The following DIAPH3 variants were observed in gnomAD, a reference collection of about 807,000 sequenced individuals.
DIAPH3 encodes the protein protein diaphanous homolog 3.
A neutral mutation model predicts 144.3 loss-of-function variants in DIAPH3; 117 were observed. That is an observed-to-expected ratio of 0.81 (90% CI 0.70 to 0.95). The LOEUF (loss-of-function observed/expected upper bound fraction) is 0.95, where lower values mean the gene tolerates loss of function less well. DIAPH3 is among the 40% of genes least tolerant of loss of function. The pLI, the probability that DIAPH3 is intolerant of heterozygous loss-of-function variation, is 0.00. For missense variants in DIAPH3, 1,421 were observed against 1,412.7 expected, an observed-to-expected ratio of 1.01 and a Z score of -0.09; for synonymous variants, 519 against 488.9, an observed-to-expected ratio of 1.06 and a Z score of -0.81.
At chr13:59,698,455 C>T (rs532393835) in intron 27 of DIAPH3, among the ~76,000 whole-genome samples, 14 of 152,270 alleles carry the variant, frequency 9.2e-5, no homozygotes, top group African/African-American at 3.4e-4. Context: ...ACAGACCTTC[C>T]ATGACAACCT....
chr13:59,704,879 T>C (rs1395024312), intron 27 of DIAPH3, among the ~76,000 whole-genome samples: 2 of 152,210 alleles, frequency 1.3e-5, no homozygotes, highest in Non-Finnish European at 2.9e-5. Flanking sequence ...ATTTAGTTTA[T>C]CATCATCTTC....
intron 4 of DIAPH3, among the ~76,000 whole-genome samples, chr13:60,065,658 C>T (rs996554392): frequency 1.3e-5 from 2 of 152,170 alleles, no homozygotes; most frequent in East Asian, 3.8e-4. Context: ...GTCAACTCAT[C>T]AACAAATTTC....
Position 59,970,038 on chromosome 13 carries a change from A to C in DIAPH3, c.1980T>G (p.Thr660=). ...NWLKIRPHEM[T]ENCFWIKVNE... ...TTACTTTTATCCAGAAACAGTTTTC[A>C]GTCATTTCATGAGGTCTGATCTACA... The change falls in exon 17 of 28, where the codon ACT becomes ACG. Residue 660 remains threonine, a synonymous_variant. Coordinates refer to ENST00000400324, the MANE Select transcript of DIAPH3 (RefSeq NM_001042517.2). 6.2e-7 allele frequency: 1 copy of C among 1,602,200 alleles called. No homozygotes were observed. Among genetic ancestry groups the C allele is most frequent in the East Asian group, 2.3e-5 (1 of 44,400 alleles).
intron 27 of DIAPH3, among the ~76,000 whole-genome samples, chr13:59,714,281 A>AC (rs1281428120): frequency 1.4e-5 from 2 of 145,438 alleles, no homozygotes; most frequent in Non-Finnish European, 3.0e-5. Context: ...AATGGCGTGA[A>AC]CCCGGGAGGC....
intron 25 of DIAPH3, among the ~76,000 whole-genome samples, chr13:59,807,451 G>A (rs341526): frequency 0.61 from 92,891 of 151,838 alleles, 28,891 homozygotes; most frequent in East Asian, 0.7. Flanking sequence ...AAATGAGTTC[G>A]ATTACATCTA....
intron 9 of DIAPH3, among the ~76,000 whole-genome samples, chr13:60,005,935 C>G (rs959948136): frequency 6.6e-6 from 1 of 151,974 alleles, no homozygotes; most frequent in Non-Finnish European, 1.5e-5. Context: ...GAATAGTAAC[C>G]TATAAAATCC....
intron 1 of DIAPH3, among the ~76,000 whole-genome samples, chr13:60,138,783 A>AGGG (rs1566815387): frequency 2.4e-5 from 3 of 127,134 alleles, no homozygotes; most frequent in Non-Finnish European, 4.9e-5. Context: ...GAAGGAGAAG[A>AGGG]AGGGGAAGAG....
At chr13:60,137,889 A>T (rs1235919508) in intron 1 of DIAPH3, among the ~76,000 whole-genome samples, 1 of 151,752 alleles carries the variant, frequency 6.6e-6, no homozygotes, top group East Asian at 1.9e-4. Flanking sequence ...ATGCCCGGCT[A>T]ATTTTTGTAT....
At chr13:59,984,709 C>T (rs1284631843) in intron 12 of DIAPH3, among the ~76,000 whole-genome samples, 1 of 140,922 alleles carries the variant, frequency 7.1e-6, no homozygotes, top group Non-Finnish European at 1.5e-5. Flanking sequence ...CGCAAATAAA[C>T]TAGAAAATCT....
chr13:59,730,080 C>T (rs964430304), intron 27 of DIAPH3, among the ~76,000 whole-genome samples: 3 of 151,932 alleles, frequency 2.0e-5, no homozygotes, highest in African/African-American at 7.3e-5. Context: ...ATCTGGTCAG[C>T]ATACTTAAAA....
intron 27 of DIAPH3, among the ~76,000 whole-genome samples, chr13:59,685,881 G>A (rs559715366): frequency 1.6e-4 from 25 of 152,106 alleles, no homozygotes; most frequent in Non-Finnish European, 3.4e-4. Flanking sequence ...TGGAAGATAT[G>A]TGAGGACTGC....
chr13:60,055,198 A>C (rs1370849672), intron 4 of DIAPH3, among the ~76,000 whole-genome samples: 1 of 151,944 alleles, frequency 6.6e-6, no homozygotes, highest in African/African-American at 2.4e-5. Context: ...TCACTTCTAA[A>C]ATATCTCTAT....
chr13:59,995,354 T>A (rs2052126816), intron 9 of DIAPH3, among the ~76,000 whole-genome samples: 1 of 151,878 alleles, frequency 6.6e-6, no homozygotes, highest in Non-Finnish European at 1.5e-5. Flanking sequence ...ATTTGCATGT[T>A]ACAGAAATCG....
At chr13:59,793,098 T>C (rs1659508678) in intron 25 of DIAPH3, among the ~76,000 whole-genome samples, 2 of 152,178 alleles carry the variant, frequency 1.3e-5, no homozygotes, top group African/African-American at 4.8e-5. Flanking sequence ...AACCACTTGA[T>C]GAAAGCTTCC....
intron 1 of DIAPH3, among the ~76,000 whole-genome samples, chr13:60,135,345 C>A (rs2059243525): frequency 6.6e-6 from 1 of 150,978 alleles, no homozygotes; most frequent in African/African-American, 2.4e-5. Context: ...GATCTGTTTT[C>A]AAACTATATA....
intron 25 of DIAPH3, among the ~76,000 whole-genome samples, chr13:59,805,323 T>TA (rs1315888910): frequency 6.6e-6 from 1 of 152,058 alleles, no homozygotes; most frequent in Non-Finnish European, 1.5e-5. Flanking sequence ...GCAAATGCCC[T>TA]ATTTGTGTCC....
chr13:59,674,727 A>G (rs1389500541), intron 27 of DIAPH3, among the ~76,000 whole-genome samples: 2 of 152,186 alleles, frequency 1.3e-5, no homozygotes, highest in African/African-American at 2.4e-5. Context: ...TACTACTTCA[A>G]ATAACACATT....
At chr13:59,907,905 G>A (rs1311909295) in intron 20 of DIAPH3, among the ~76,000 whole-genome samples, 4 of 152,142 alleles carry the variant, frequency 2.6e-5, no homozygotes, top group Non-Finnish European at 5.9e-5. Context: ...GAACATGAAA[G>A]TCTATATTAC....
intron 27 of DIAPH3, among the ~76,000 whole-genome samples, chr13:59,718,074 G>A (rs183959489): frequency 2.5e-4 from 38 of 151,396 alleles, no homozygotes; most frequent in Admixed American, 1.2e-3. Flanking sequence ...TATTTATTCC[G>A]TTTCAGACTT....
Sources: allele counts gnomAD v4.1 joint callset (sites outside exome capture counted in the v4.1 genomes callset), GRCh38; gene constraint gnomAD v4.1.1; transcripts MANE v1.5; gene names NCBI Gene and HGNC (gene_info 2026-07-23, HGNC 2026-07-21).